The following ACYP2 variants were observed in gnomAD, a reference collection of about 807,000 sequenced individuals.
The protein encoded by ACYP2 is acylphosphatase 2.
In ACYP2, 12 loss-of-function variants were observed where a neutral mutation model predicts 11.2. The ratio of observed to expected loss-of-function variants is 1.08; its 90% CI spans 0.69 to 1.74. The LOEUF is 1.74. ACYP2 is among the 40% of genes most tolerant of loss of function. The probability of loss-of-function intolerance (pLI) is 0.00; values close to 1 mark genes in which losing one functional copy is unlikely to be tolerated. For missense variants in ACYP2, 134 were observed against 101.9 expected (o/e 1.31, Z -1.35); for synonymous variants, 43 against 32.2 (o/e 1.33, Z -1.13).
chr2:54,106,613 C>A (rs1315582073), intron 4 of ACYP2, among the ~76,000 whole-genome samples: 1 of 150,682 alleles, frequency 6.6e-6, no homozygotes, highest in African/African-American at 2.4e-5. Context: ...TGGAGTCTTG[C>A]TCTTGTTGCC....
intron 6 of ACYP2, among the ~76,000 whole-genome samples, chr2:54,247,170 G>T (rs2103998223): frequency 6.6e-6 from 1 of 152,198 alleles, no homozygotes; most frequent in South Asian, 2.1e-4. Context: ...CTCTTCCTTT[G>T]TGCTCTCTCC....
chr2:54,267,372 G>C, intron 6 of ACYP2: 1 of 1,540,652 alleles, frequency 6.5e-7, no homozygotes, highest in Non-Finnish European at 8.7e-7. Context: ...TCAGGTGAGA[G>C]GTTTCTACTT....
intron 6 of ACYP2, chr2:54,254,807 C>A (rs1687414331): frequency 1.9e-6 from 2 of 1,067,208 alleles, no homozygotes; most frequent in South Asian, 3.2e-5. Flanking sequence ...ACAGAGGGTA[C>A]AGGAAAGTCA....
intron 4 of ACYP2, among the ~76,000 whole-genome samples, chr2:54,121,570 A>G (rs748630694): frequency 2.6e-5 from 4 of 152,238 alleles, no homozygotes; most frequent in African/African-American, 9.6e-5. Context: ...CAGATAATGC[A>G]TGATTTAGAA....
At chr2:54,096,121 T>C (rs1261866421) in intron 4 of ACYP2, among the ~76,000 whole-genome samples, 1 of 120,210 alleles carries the variant, frequency 8.3e-6, no homozygotes, top group Non-Finnish European at 1.7e-5. Context: ...CCAGACGGGG[T>C]GGCTGCTGGG....
chr2:54,184,077 A>G (rs1350478086), intron 6 of ACYP2, among the ~76,000 whole-genome samples: 1 of 152,232 alleles, frequency 6.6e-6, no homozygotes, highest in Non-Finnish European at 1.5e-5. Context: ...TTAGTCTAAG[A>G]GAAAGGATTT....
intron 6 of ACYP2, among the ~76,000 whole-genome samples, chr2:54,211,951 T>G (rs1200018453): frequency 6.6e-6 from 1 of 152,170 alleles, no homozygotes; most frequent in African/African-American, 2.4e-5. Context: ...CTAGCTAATT[T>G]ATTTCGGGCA....
intron 6 of ACYP2, among the ~76,000 whole-genome samples, chr2:54,170,611 C>T (rs1416706191): frequency 2.0e-5 from 3 of 150,584 alleles, no homozygotes; most frequent in Non-Finnish European, 4.4e-5. Context: ...GTCTCTTAGG[C>T]GGTTGGAAGT....
At chr2:54,044,767 T>C (rs1675427341) in intron 2 of ACYP2, among the ~76,000 whole-genome samples, 1 of 152,120 alleles carries the variant, frequency 6.6e-6, no homozygotes, top group Non-Finnish European at 1.5e-5. Flanking sequence ...TGCAATGACT[T>C]CCTGTCACAT....
chr2:54,272,076 T>C (rs1688328992), intron 6 of ACYP2, among the ~76,000 whole-genome samples: 1 of 152,206 alleles, frequency 6.6e-6, no homozygotes, highest in Non-Finnish European at 1.5e-5. Context: ...CACCTTCTTT[T>C]CATGGATCAA....
At chr2:54,215,280 C>T (rs1685512769) in intron 6 of ACYP2, among the ~76,000 whole-genome samples, 1 of 152,086 alleles carries the variant, frequency 6.6e-6, no homozygotes, top group Non-Finnish European at 1.5e-5. Flanking sequence ...ACTTCTAGTA[C>T]TATGTTGAAT....
At chr2:53,973,519 C>T (rs950507296) in intron 1 of ACYP2, among the ~76,000 whole-genome samples, 25 of 152,088 alleles carry the variant, frequency 1.6e-4, no homozygotes, top group African/African-American at 4.6e-4. Context: ...TTGTAATCTC[C>T]CCCACCCTTA....
chr2:54,066,957 T>C (rs1201980988), intron 4 of ACYP2, among the ~76,000 whole-genome samples: 3 of 152,208 alleles, frequency 2.0e-5, no homozygotes, highest in African/African-American at 4.8e-5. Flanking sequence ...CAGATGGAGT[T>C]TGAATCTGAG....
intron 6 of ACYP2, among the ~76,000 whole-genome samples, chr2:54,155,204 C>G (rs896807987): frequency 1.3e-5 from 2 of 151,894 alleles, no homozygotes; most frequent in Admixed American, 6.6e-5. Context: ...GTTAACCTAA[C>G]TGTAGGTTTG....
chr2:54,303,552 GAGAA>G (rs1312932018), intron 6 of ACYP2, among the ~76,000 whole-genome samples: 2 of 152,152 alleles, frequency 1.3e-5, no homozygotes, highest in Non-Finnish European at 2.9e-5. Context: ...ATGAGCTAAA[GAGAA>G]AGAAGTCCAA....
intron 6 of ACYP2, among the ~76,000 whole-genome samples, chr2:54,201,938 C>A (rs1189357798): frequency 6.6e-6 from 1 of 151,904 alleles, no homozygotes; most frequent in Non-Finnish European, 1.5e-5. Context: ...AAACTCCTGA[C>A]CTGAGGTGAT....
At chr2:54,035,560 C>T (rs1013748703) in intron 2 of ACYP2, among the ~76,000 whole-genome samples, 1 of 152,228 alleles carries the variant, frequency 6.6e-6, no homozygotes, top group Non-Finnish European at 1.5e-5. Context: ...CCACCGCTCC[C>T]GGCCTAGAGA....
intron 6 of ACYP2, among the ~76,000 whole-genome samples, chr2:54,140,890 G>A (rs1681566698): frequency 6.6e-6 from 1 of 152,096 alleles, no homozygotes; most frequent in South Asian, 2.1e-4. Flanking sequence ...TATTTTTAAT[G>A]TAAAAATATT....
chr2:54,064,730 T>G lies in ACYP2; in HGVS notation c.277+7370T>G, dbSNP rs1020281874. On this transcript the variant is annotated intron_variant, in intron 4 of 6. Coordinates refer to ENST00000607452, the MANE Select transcript of ACYP2 (RefSeq NM_001320586.2). ...AGCTGCAAGAATGATGCGGAGGCAGTGACAGGACCAAGTTTGCATTTGGAA... is the reference window on the plus strand; with the variant it reads ...AGCTGCAAGAATGATGCGGAGGCAGGGACAGGACCAAGTTTGCATTTGGAA... 5.9e-5 allele frequency among the ~76,000 whole-genome samples: 9 copies of G among 152,192 alleles called. No individual in the cohort carries two copies. The East Asian group carries it at 1.7e-3, about 29-fold the overall frequency.
Sources: gnomAD v4.1 joint callset for allele counts (sites outside exome capture counted in the v4.1 genomes callset) on GRCh38, gnomAD v4.1.1 for gene constraint, MANE v1.5 for transcripts, NCBI Gene and HGNC (gene_info 2026-07-23, HGNC 2026-07-21) for gene names.